ZNF615: variants seen among roughly 807,000 people sequenced by gnomAD.
ZNF615 encodes the protein zinc finger protein 615.
Under a neutral mutation model 15.3 loss-of-function variants are expected in ZNF615, and 15 were observed. The observed-to-expected ratio is 0.98, with a 90% confidence interval of 0.66 to 1.51. The LOEUF (loss-of-function observed/expected upper bound fraction) is 1.51, where lower values mean the gene tolerates loss of function less well. Ranked by LOEUF, ZNF615 falls within the 40% of genes most tolerant of loss-of-function variation. The pLI, the probability that ZNF615 is intolerant of heterozygous loss-of-function variation, is 0.00. For missense variants in ZNF615, 848 were observed against 895.9 expected (o/e 0.95, Z 0.68); for synonymous variants, 268 against 294.6 (o/e 0.91, Z 0.92).
At position 51,994,790 on chromosome 19, in the gene ZNF615, T is replaced by C; in HGVS notation, c.319A>G (p.Ser107Gly). The C allele has an allele frequency of 1.2e-6, 2 of 1,600,976 alleles. No individual in the cohort carries two copies. The highest frequency in any genetic ancestry group is 2.3e-5 in the South Asian group (2 of 87,648). ...DPLQHHLQNQ[S>G]IQKSVKQCHE... ...CACTGTTTCACACTCTTCTGAATAC[T>C]TTGATTTTGCAAGTGATGCTGCAGA... The change falls in exon 7 of 7, where the codon AGT (serine) becomes GGT (glycine). Residue 107 changes from serine (S) to glycine (G), a missense_variant. Physicochemically the swap from Ser to Gly is moderately conservative, Grantham distance 56. Coordinates refer to ENST00000598071, the MANE Select transcript of ZNF615 (RefSeq NM_001199324.2).
intron 4 of ZNF615, 72 bp from the exon 5 acceptor site, chr19:52,001,980 A>T: frequency 6.2e-7 from 1 of 1,600,526 alleles, no homozygotes; most frequent in East Asian, 2.2e-5. Flanking sequence ...GGAGAGTTAC[A>T]TTTTAAGGAC....
chr19:51,998,879 T>G (rs1164606769), intron 6 of ZNF615, among the ~76,000 whole-genome samples: 1 of 152,194 alleles, frequency 6.6e-6, no homozygotes, highest in African/African-American at 2.4e-5. Context: ...GGTCTCGAAC[T>G]CCTGAACTCA....
intron 3 of ZNF615, among the ~76,000 whole-genome samples, chr19:52,002,711 A>G (rs1325854848): frequency 6.6e-6 from 1 of 152,230 alleles, no homozygotes; most frequent in Non-Finnish European, 1.5e-5. Context: ...CTAAATAACT[A>G]TGGTTAACAT....
chr19:52,001,948 C>T (rs773322271), intron 4 of ZNF615, 40 bp from the exon 5 acceptor site: 91 of 1,608,806 alleles, frequency 5.7e-5, no homozygotes, highest in Non-Finnish European at 7.1e-5. Context: ...ACAAATCAAA[C>T]GGGGCTGGCA....
At position 51,994,367 on chromosome 19, in the gene ZNF615, A is replaced by G. The variant is rs2123013239; in HGVS notation, c.742T>C (p.Cys248Arg). 1.9e-6 allele frequency: 3 copies of G among 1,614,120 alleles called. No individual in the cohort carries two copies. Among genetic ancestry groups the G allele is most frequent in the Non-Finnish European group, 2.5e-6 (3 of 1,180,020 alleles). Residue 248 changes from cysteine (C) to arginine (R), a missense_variant, in exon 7 of 7, where the codon TGT becomes CGT. Physicochemically the swap from Cys to Arg is radical, Grantham distance 180 (BLOSUM62 -3). Coordinates refer to ENST00000598071, the MANE Select transcript of ZNF615 (RefSeq NM_001199324.2). Reference protein sequence around the residue: ...TGEKPHVCSMCGKAFSRKSRL... With the variant: ...TGEKPHVCSMRGKAFSRKSRL... ...GATTTTCTGGAGAAAGCTTTCCCAC[A>G]CATACTGCATACATGAGGTTTTTCT...
Position 51,992,959 on chromosome 19 carries a change from C to T in ZNF615, c.2150G>A (p.Arg717Lys), listed in dbSNP as rs756919984. Residue 717 changes from arginine to lysine, a missense_variant, in exon 7 of 7, where the codon AGG becomes AAG. Coordinates refer to ENST00000598071, the MANE Select transcript of ZNF615 (RefSeq NM_001199324.2). ...CCCACAATCACTACATCCATAGGGC[C>T]TCTCTCCTGTATGTTTTCTTTGATG... Reference protein sequence around the residue: ...NVHQRKHTGERPYGCSDCGKA... With the variant: ...NVHQRKHTGEKPYGCSDCGKA... 6.2e-7 allele frequency: 1 copy of T among 1,614,174 alleles called. No homozygotes were observed. Among genetic ancestry groups the T allele is most frequent in the East Asian group, 2.2e-5 (1 of 44,882 alleles).
chr19:52,002,359 T>C (rs528936998), intron 3 of ZNF615, 78 bp from the exon 4 acceptor site: 33 of 1,602,946 alleles, frequency 2.1e-5, no homozygotes, highest in Non-Finnish European at 2.6e-5. Flanking sequence ...GTCATTCCGC[T>C]CATTTTCACC....
chr19:51,993,088 C>T lies in ZNF615; in HGVS notation c.2021G>A (p.Arg674His), dbSNP rs749865669. ...ACTECGKFSL[R>H]KNDLITHQRI... ...CTGATGTGTAATAAGATCATTTTTG[C>T]GCAAAGAGAATTTTCCACATTCAGT... The change falls in exon 7 of 7, where the codon CGC (arginine) becomes CAC (histidine). Residue 674 changes from arginine (R) to histidine (H), a missense_variant. Coordinates refer to ENST00000598071, the MANE Select transcript of ZNF615 (RefSeq NM_001199324.2). The T allele has an allele frequency of 1.7e-5, 28 of 1,613,942 alleles. No homozygotes were observed. Among genetic ancestry groups the T allele is most frequent in the East Asian group, 4.5e-5 (2 of 44,894 alleles).
At position 51,993,432 on chromosome 19, in the gene ZNF615, G is replaced by T. The variant is rs765689777; in HGVS notation, c.1677C>A (p.Gly559=). ...CATTGAGATGACTCTTCTCAGTGAA[G>T]CCTTTTCCACACTCATTGCAAATAT... ...KPYICNECGK[G]FTEKSHLNVH... Residue 559 remains glycine (G), a synonymous_variant, in exon 7 of 7, where the codon GGC becomes GGA. Coordinates refer to ENST00000598071, the MANE Select transcript of ZNF615 (RefSeq NM_001199324.2). The T allele has an allele frequency of 6.2e-7, 1 of 1,613,936 alleles. No homozygotes were observed. Among genetic ancestry groups the T allele is most frequent in the Non-Finnish European group, 8.5e-7 (1 of 1,180,006 alleles).
chr19:52,001,748 C>T (rs2086600147), intron 5 of ZNF615, 65 bp downstream of exon 5: 8 of 1,387,238 alleles, frequency 5.8e-6, no homozygotes, highest in South Asian at 3.5e-5. Context: ...ACTGCTTTGA[C>T]GCCTGCTCTG....
chr19:51,994,811 G>A lies in ZNF615; in HGVS notation c.298C>T (p.Gln100Ter). 1.9e-6 allele frequency: 3 copies of A among 1,588,546 alleles called. No homozygotes were observed. Among genetic ancestry groups the A allele is most frequent in the Non-Finnish European group, 2.6e-6 (3 of 1,169,004 alleles). ...AEIRKIDDPL[Q>*]HHLQNQSIQK... ...ATACTTTGATTTTGCAAGTGATGCT[G>A]CAGAGGATCATCAATTTTCCTGATT... The change falls in exon 7 of 7, where the codon CAG becomes TAG. Residue 100 changes from glutamine (Q) to a stop codon, truncating the protein, a stop_gained. Transcript: ENST00000598071. LOFTEE classifies it low-confidence loss of function (END_TRUNC).
chr19:51,996,407 A>AAAAAAAAAAAAAAAAC (rs755143397), intron 6 of ZNF615, among the ~76,000 whole-genome samples: 3 of 138,288 alleles, frequency 2.2e-5, no homozygotes, highest in Non-Finnish European at 3.1e-5. Flanking sequence ...AAAAAAAAAA[A>AAAAAAAAAAAAAAAAC]ACGCAAAACT....
chr19:52,001,972 A>C (rs1256234365), intron 4 of ZNF615, 64 bp from the exon 5 acceptor site: 2 of 1,602,496 alleles, frequency 1.2e-6, no homozygotes, highest in East Asian at 4.5e-5. Flanking sequence ...TTGAAAAAGG[A>C]GAGTTACATT....
chr19:51,993,946 CATTTATTGCATATAA>C lies in ZNF615; in HGVS notation c.1148_1162del (p.Phe383_Lys387del). On this transcript the variant is annotated inframe_deletion, in exon 7 of 7. Transcript: ENST00000598071. ...GTTCTTCAAGGTGAAGCCTTTCCCA[CATTTATTGCATATAA>C]AGGGTTTCTCACCAGTATGAGTTCG... is the stretch of plus-strand genomic sequence containing the variant. 6 of 1,614,124 alleles carry C rather than the reference CATTTATTGCATATAA, an allele frequency of 3.7e-6. No individual in the cohort carries two copies. Among genetic ancestry groups the C allele is most frequent in the Non-Finnish European group, 5.1e-6 (6 of 1,179,988 alleles).
chr19:52,004,005 CT>C, intron 2 of ZNF615, 105 bp from the exon 3 acceptor site: 1 of 741,988 alleles, frequency 1.3e-6, no homozygotes, highest in Non-Finnish European at 1.8e-6. Flanking sequence ...TCTCTCTGTT[CT>C]TTTATTTAGT....
intron 2 of ZNF615, 140 bp from the exon 3 acceptor site, chr19:52,004,040 G>T (rs1600015061): frequency 2.4e-6 from 1 of 411,916 alleles, no homozygotes; most frequent in Non-Finnish European, 3.6e-6. Context: ...TTATATCTGG[G>T]CTAGTAAAAT....
intron 6 of ZNF615, among the ~76,000 whole-genome samples, chr19:51,996,122 G>A (rs566338169): frequency 6.6e-6 from 1 of 152,186 alleles, no homozygotes; most frequent in South Asian, 2.1e-4. Context: ...GGATACAGTG[G>A]CTCACACCTG....
intron 6 of ZNF615, among the ~76,000 whole-genome samples, chr19:51,995,652 C>A (rs1166006084): frequency 1.3e-5 from 2 of 149,560 alleles, no homozygotes; most frequent in East Asian, 4.0e-4. Context: ...GCAACTATAA[C>A]CTCTCCCTCC....
intron 2 of ZNF615, chr19:52,004,537 G>A (rs549539611): frequency 1.3e-5 from 2 of 152,212 alleles, no homozygotes; most frequent in Non-Finnish European, 2.9e-5. Flanking sequence ...GGGATTACAG[G>A]TGAACGCCAC....
Sources: gnomAD v4.1 joint callset for allele counts (sites outside exome capture counted in the v4.1 genomes callset) on GRCh38, gnomAD v4.1.1 for gene constraint, MANE v1.5 for transcripts, NCBI Gene and HGNC (gene_info 2026-07-23, HGNC 2026-07-21) for gene names.